PPFIA1: variants seen among roughly 807,000 people sequenced by gnomAD.
The protein encoded by PPFIA1 is liprin-alpha-1.
Under a neutral mutation model 149.9 loss-of-function variants are expected in PPFIA1, and 25 were observed. The observed-to-expected ratio is 0.17, with a 90% CI of 0.12 to 0.23. PPFIA1 has a LOEUF of 0.23. PPFIA1 is among the 10% of genes least tolerant of loss of function. PPFIA1 has a pLI of 1.00. For synonymous variants in PPFIA1, 549 were observed against 552.8 expected (o/e 0.99, Z 0.10); for missense variants, 1,362 against 1,506.5 (o/e 0.90, Z 1.59).
intron 21 of PPFIA1, chr11:70,371,325 T>C (rs1450762739): frequency 1.3e-5 from 2 of 153,614 alleles, no homozygotes; most frequent in African/African-American, 4.8e-5. Context: ...TAAAAGCATA[T>C]ATATTCTGTT....
At chr11:70,271,229 C>G (rs2050060795) in intron 1 of PPFIA1, 1 of 152,252 alleles carries the variant, frequency 6.6e-6, no homozygotes, top group Non-Finnish European at 1.5e-5. Flanking sequence ...GTCAACGGTC[C>G]TCACCCCCCG....
intron 2 of PPFIA1, chr11:70,283,997 C>T (rs549537039): frequency 6.8e-5 from 36 of 533,310 alleles, no homozygotes; most frequent in African/African-American, 1.2e-4. Context: ...AAAGTACTTG[C>T]GGATTTTGCT....
chr11:70,276,146 A>C (rs1591015128), intron 2 of PPFIA1, among the ~76,000 whole-genome samples: 1 of 152,070 alleles, frequency 6.6e-6, no homozygotes, highest in Admixed American at 6.6e-5. Flanking sequence ...TTGCTCCATT[A>C]CCCAGCCCGG....
At chr11:70,320,477 C>T (rs1479235083) in intron 2 of PPFIA1, among the ~76,000 whole-genome samples, 1 of 147,286 alleles carries the variant, frequency 6.8e-6, no homozygotes, top group Admixed American at 6.9e-5. Flanking sequence ...CGTCACCCGG[C>T]CTGGAGTGCA....
chr11:70,371,692 T>C (rs1444649719), intron 21 of PPFIA1: 1 of 149,542 alleles, frequency 6.7e-6, no homozygotes, highest in Non-Finnish European at 1.5e-5. Flanking sequence ...TTTTCAACTA[T>C]AATTGTGAAT....
intron 2 of PPFIA1, among the ~76,000 whole-genome samples, chr11:70,297,514 T>C (rs1398383404): frequency 6.6e-6 from 1 of 152,182 alleles, no homozygotes; most frequent in Non-Finnish European, 1.5e-5. Context: ...AGTGGGTGTA[T>C]TGTCTGAAGG....
At chr11:70,292,961 A>G (rs1215750540) in intron 2 of PPFIA1, among the ~76,000 whole-genome samples, 2 of 152,124 alleles carry the variant, frequency 1.3e-5, no homozygotes, top group Non-Finnish European at 2.9e-5. Flanking sequence ...CACTCCTTGC[A>G]CCTACTCCAC....
At chr11:70,277,039 T>G (rs1323780269) in intron 2 of PPFIA1, among the ~76,000 whole-genome samples, 7 of 58,320 alleles carry the variant, frequency 1.2e-4, no homozygotes, top group South Asian at 5.6e-4. Flanking sequence ...TTGATTGAGA[T>G]ATATATATAT....
In PPFIA1 at chr11:70,324,211, T is replaced by C. The variant is rs916373327; in HGVS notation, c.265-191T>C. ...GCAGGGATAGAGGGAAGTCAGATGG[T>C]CTGTCAGTGTTGTGATTTGTTAGGG... On this transcript the variant is annotated intron_variant, in intron 2 of 27. Transcript: ENST00000253925. 1.7e-4 allele frequency among the ~76,000 whole-genome samples: 26 copies of C among 152,184 alleles called. 1 individual carries two copies.
intron 25 of PPFIA1, 109 bp from the exon 26 acceptor site, chr11:70,377,921 G>C: frequency 4.5e-6 from 4 of 882,018 alleles, no homozygotes; most frequent in Non-Finnish European, 7.1e-6. Context: ...AATACATGTG[G>C]ACAAGAATAC....
chr11:70,373,395 A>AT (rs59817296), intron 23 of PPFIA1: 33,978 of 143,666 alleles, frequency 0.24, 4,679 homozygotes, highest in African/African-American at 0.39. Context: ...CATGCCTGGA[A>AT]TTTTTTTTTT....
intron 2 of PPFIA1, among the ~76,000 whole-genome samples, chr11:70,312,873 G>A (rs910845962): frequency 2.0e-5 from 3 of 152,164 alleles, no homozygotes; most frequent in Non-Finnish European, 4.4e-5. Context: ...ACATGCAGCC[G>A]GGAAGTGAGG....
chr11:70,339,673 T>G (rs1245090681), intron 14 of PPFIA1, among the ~76,000 whole-genome samples: 1 of 151,120 alleles, frequency 6.6e-6, no homozygotes, highest in Non-Finnish European at 1.5e-5. Context: ...AAAAATACAG[T>G]CACTTTTAAA....
chr11:70,344,814 T>C (rs1299346805), intron 15 of PPFIA1, among the ~76,000 whole-genome samples: 1 of 152,132 alleles, frequency 6.6e-6, no homozygotes, highest in Non-Finnish European at 1.5e-5. Flanking sequence ...TCTGGTAGTG[T>C]GTGTGTGTTG....
At position 70,372,503 on chromosome 11, in the gene PPFIA1, G is replaced by T; in HGVS notation, c.3068G>T (p.Cys1023Phe). Residue 1023 changes from cysteine to phenylalanine, a missense_variant, in exon 23 of 28, where the codon TGC becomes TTC. Around this residue, in one of 7 missense-constraint regions of PPFIA1, gnomAD observed 349 missense variants for 373.3 expected, o/e 0.93. Coordinates refer to ENST00000253925, the MANE Select transcript of PPFIA1 (RefSeq NM_003626.5). ...HRNSFQCGIM[C>F]LRRLNYDRKE... The stretch of plus-strand genomic sequence containing the variant: ...AACAGTTTCCAGTGTGGAATTATGT[G>T]CCTGAGAAGGTTAAATTATGACCGG... 2 of 1,614,000 alleles carry T rather than the reference G, an allele frequency of 1.2e-6. No homozygotes were observed. Among genetic ancestry groups the T allele is most frequent in the Non-Finnish European group, 1.7e-6 (2 of 1,179,890 alleles).
intron 2 of PPFIA1, among the ~76,000 whole-genome samples, chr11:70,320,727 A>G (rs923930523): frequency 1.3e-5 from 2 of 152,150 alleles, no homozygotes; most frequent in South Asian, 4.1e-4. Context: ...AAGAGCCACC[A>G]TGCCTGGCCT....
intron 15 of PPFIA1, among the ~76,000 whole-genome samples, chr11:70,347,681 G>C (rs1464766366): frequency 6.6e-6 from 1 of 152,134 alleles, no homozygotes; most frequent in Middle Eastern, 3.2e-3. Flanking sequence ...ACTCCAGCCG[G>C]GATGACAGTG....
chr11:70,358,935 A>T (rs534488194), intron 19 of PPFIA1, among the ~76,000 whole-genome samples: 3 of 152,284 alleles, frequency 2.0e-5, no homozygotes, highest in African/African-American at 7.2e-5. Context: ...TCTTGAAGTA[A>T]CCTTGCTTTT....
chr11:70,298,900 A>T (rs913398101), intron 2 of PPFIA1, among the ~76,000 whole-genome samples: 2 of 152,202 alleles, frequency 1.3e-5, no homozygotes, highest in Non-Finnish European at 2.9e-5. Context: ...AGATACAGTT[A>T]TTCTGTCATC....
Sources: allele counts gnomAD v4.1 joint callset (sites outside exome capture counted in the v4.1 genomes callset), GRCh38; gene constraint gnomAD v4.1.1; regional missense constraint gnomAD v4.1.1; transcripts MANE v1.5; gene names NCBI Gene and HGNC (gene_info 2026-07-23, HGNC 2026-07-21).